The following WNK1 variants were observed in gnomAD, a reference collection of about 807,000 sequenced individuals.
The protein encoded by WNK1 is serine/threonine-protein kinase WNK1.
A neutral mutation model predicts 222.8 loss-of-function variants in WNK1; 38 were observed. The ratio of observed to expected loss-of-function variants is 0.17; its 90% CI spans 0.13 to 0.22. The LOEUF (loss-of-function observed/expected upper bound fraction) is 0.22. Ranked by LOEUF, WNK1 falls within the 10% of genes least tolerant of loss-of-function variation. The pLI is 1.00. For synonymous variants in WNK1, 1,090 were observed against 1,092.9 expected, an observed-to-expected ratio of 1.00 and a Z score of 0.05; for missense variants, 2,348 against 2,918.4, an observed-to-expected ratio of 0.80 and a Z score of 4.50.
intron 1 of WNK1, among the ~76,000 whole-genome samples, chr12:766,770 C>G (rs1157061210): frequency 6.7e-6 from 1 of 149,732 alleles, no homozygotes; most frequent in Non-Finnish European, 1.5e-5. Flanking sequence ...AGCCACCACA[C>G]CCGGCTTATT....
chr12:840,775 A>G (rs1449392777), intron 4 of WNK1, among the ~76,000 whole-genome samples: 1 of 152,242 alleles, frequency 6.6e-6, no homozygotes, highest in Non-Finnish European at 1.5e-5. Flanking sequence ...AGTAGTGGTG[A>G]TGTTCTTCTA....
At chr12:779,700 C>G (rs978610634) in intron 1 of WNK1, among the ~76,000 whole-genome samples, 5 of 152,158 alleles carry the variant, frequency 3.3e-5, no homozygotes, top group African/African-American at 1.2e-4. Context: ...CCGCGCCTGG[C>G]TCCTTTCCCT....
At chr12:816,050 A>G (rs1947312928) in intron 2 of WNK1, among the ~76,000 whole-genome samples, 1 of 152,210 alleles carries the variant, frequency 6.6e-6, no homozygotes, top group Non-Finnish European at 1.5e-5. Context: ...CCATGCAAGG[A>G]CAGAAAGCCT....
chr12:773,903 T>C (rs1942818668), intron 1 of WNK1, among the ~76,000 whole-genome samples: 2 of 152,222 alleles, frequency 1.3e-5, no homozygotes, highest in Non-Finnish European at 2.9e-5. Flanking sequence ...TTTTTGCTAT[T>C]GTAAATATAG....
In WNK1 at chr12:880,841, C is replaced by A. The variant is rs377242632; in HGVS notation, c.2953C>A (p.Leu985Met). 3.1e-6 allele frequency: 5 copies of A among 1,614,058 alleles called. No individual in the cohort carries two copies. The highest frequency in any genetic ancestry group is 4.2e-6 in the Non-Finnish European group (5 of 1,180,012). ...VLSPPMPTEV[L>M]ATPGYFPTVV... ...ATCCCCTCCCATGCCGACAGAAGTA[C>A]TGGCTACACCTGGGTACTTTCCCAC... The change falls in exon 12 of 28, where the codon CTG becomes ATG. Residue 985 changes from leucine (L) to methionine (M), a missense_variant. Leu to Met is a conservative substitution (Grantham distance 15). Transcript: ENST00000315939.
chr12:900,650 G>A lies in WNK1; in HGVS notation c.6623G>A (p.Ser2208Asn), dbSNP rs1244513308. The change falls in exon 26 of 28, where the codon AGC (serine) becomes AAC (asparagine). Residue 2208 changes from serine to asparagine, a missense_variant. Around this residue, in one of 13 missense-constraint regions of WNK1, gnomAD observed 1,144 missense variants for 1,273.6 expected, o/e 0.90. Coordinates refer to ENST00000315939, the MANE Select transcript of WNK1 (RefSeq NM_018979.4). ...FTSDGAISVP[S>N]LSAPGQGTSS... is the part of the protein sequence containing the mutation. Reference sequence around the variant, plus strand: ...AGTGATGGTGCCATTTCAGTACCAAGCCTTTCTGCTCCAGGTCAAGGTAAT... The same window carrying A: ...AGTGATGGTGCCATTTCAGTACCAAACCTTTCTGCTCCAGGTCAAGGTAAT... 6.2e-7 allele frequency: 1 copy of A among 1,614,124 alleles called. No homozygotes were observed.
chr12:830,243 A>G, intron 4 of WNK1, 83 bp downstream of exon 4: 2 of 1,487,136 alleles, frequency 1.3e-6, no homozygotes, highest in South Asian at 2.3e-5. Context: ...ACCATGTAAA[A>G]GAGGACAATA....
Position 907,024 on chromosome 12 carries a change from T to TAAAAAA in WNK1, c.6644-814_6644-809dup, listed in dbSNP as rs67823034. Among the ~76,000 whole-genome samples, 7 of 47,430 alleles carry TAAAAAA rather than the reference T, an allele frequency of 1.5e-4. 2 individuals are homozygous for TAAAAAA. Among genetic ancestry groups the TAAAAAA allele is most frequent in the Admixed American group, 7.2e-4 (2 of 2,788 alleles). 31.1% of individuals were successfully genotyped at this position (47,430 alleles called of 152,430 possible). On this transcript the variant is annotated intron_variant, in intron 26 of 27. Transcript: ENST00000315939. ...ACAGAAAAAGAAGAGACCCTTCCTT[T>TAAAAAA]AAAAAAAAAAAAAAGCCGGGCGTGG...
chr12:832,095 A>G (rs992435146), intron 4 of WNK1, among the ~76,000 whole-genome samples: 3 of 152,028 alleles, frequency 2.0e-5, no homozygotes, highest in African/African-American at 7.3e-5. Flanking sequence ...TTATTTTTTG[A>G]GACGGCGTCT....
intron 26 of WNK1, chr12:906,838 A>G (rs1007939355): frequency 2.0e-5 from 15 of 745,710 alleles, no homozygotes; most frequent in Non-Finnish European, 2.3e-5. Flanking sequence ...CCAGCAGTTC[A>G]TGACTAAGCA....
chr12:892,614 T>C (rs1954357236), intron 22 of WNK1, among the ~76,000 whole-genome samples: 1 of 152,102 alleles, frequency 6.6e-6, no homozygotes, highest in Non-Finnish European at 1.5e-5. Flanking sequence ...GGGAGGGGTA[T>C]GTGTAGTCAT....
At chr12:865,101 T>C in intron 8 of WNK1, 1 of 1,503,208 alleles carries the variant, frequency 6.7e-7, no homozygotes, top group Non-Finnish European at 8.9e-7. Flanking sequence ...GTGTTTGTTT[T>C]GTGTTGAGCC....
intron 4 of WNK1, among the ~76,000 whole-genome samples, chr12:844,387 C>T (rs1447850787): frequency 2.0e-5 from 3 of 152,142 alleles, no homozygotes; most frequent in Non-Finnish European, 4.4e-5. Context: ...CCACCAGCCC[C>T]GGCCTCCCAA....
intron 1 of WNK1, among the ~76,000 whole-genome samples, chr12:758,507 C>T (rs1940546687): frequency 7.0e-6 from 1 of 142,612 alleles, no homozygotes; most frequent in Non-Finnish European, 1.6e-5. Context: ...CCTGCCTCAG[C>T]CTCCCGAGTA....
intron 1 of WNK1, among the ~76,000 whole-genome samples, chr12:787,809 A>G (rs1432544162): frequency 6.6e-6 from 1 of 152,078 alleles, no homozygotes; most frequent in Admixed American, 6.6e-5. Context: ...AGATGTTGTC[A>G]TGGATATGTG....
Position 881,899 on chromosome 12 carries a change from T to C in WNK1, c.3210-12T>C, listed in dbSNP as rs747602956. ...TATAAACTGCACTTTTTTTTCTTTT[T>C]AAATTTCAAAGTGCACATTCAGATG... On this transcript the variant is annotated splice_polypyrimidine_tract_variant and intron_variant, in intron 13 of 27. Coordinates refer to ENST00000315939, the MANE Select transcript of WNK1 (RefSeq NM_018979.4). The C allele has an allele frequency of 6.2e-7, 1 of 1,614,136 alleles. No homozygotes were observed. The highest frequency in any genetic ancestry group is 1.1e-5 in the South Asian group (1 of 91,072).
intron 8 of WNK1, chr12:869,189 T>A: frequency 6.5e-7 from 1 of 1,544,448 alleles, no homozygotes; most frequent in African/African-American, 1.4e-5. Flanking sequence ...TTTCCCTGAA[T>A]CATGGATTTT....
chr12:846,024 ATAG>A (rs1412751041), intron 4 of WNK1, among the ~76,000 whole-genome samples: 2 of 152,254 alleles, frequency 1.3e-5, no homozygotes, highest in Admixed American at 6.5e-5. Context: ...AGGAGAAATA[ATAG>A]TAGTCAGAAA....
chr12:807,452 A>C (rs945846301), intron 1 of WNK1, among the ~76,000 whole-genome samples: 7 of 151,940 alleles, frequency 4.6e-5, no homozygotes, highest in Admixed American at 4.6e-4. Flanking sequence ...AAAATGAAAC[A>C]ATTCTTTGAG....
Sources: gnomAD v4.1 joint callset for allele counts (sites outside exome capture counted in the v4.1 genomes callset) on GRCh38, gnomAD v4.1.1 for gene constraint, gnomAD v4.1.1 regional missense constraint, MANE v1.5 for transcripts, NCBI Gene and HGNC (gene_info 2026-07-23, HGNC 2026-07-21) for gene names.